SH3RF3: variants seen among roughly 807,000 people sequenced by gnomAD.
SH3RF3 encodes E3 ubiquitin-protein ligase SH3RF3.
SH3RF3 carries 29 observed loss-of-function variants against 66.3 expected under a neutral mutation model. The ratio of observed to expected loss-of-function variants is 0.44; its 90% CI spans 0.33 to 0.60. The LOEUF (loss-of-function observed/expected upper bound fraction) is 0.60, where lower values mean the gene tolerates loss of function less well. Among genes scored for constraint, SH3RF3 ranks in the 20% least tolerant of loss-of-function variants. The probability of loss-of-function intolerance (pLI) is 0.04; values close to 1 mark genes in which losing one functional copy is unlikely to be tolerated. For synonymous variants in SH3RF3, 583 were observed against 532.0 expected (o/e 1.10, Z -1.32); for missense variants, 1,194 against 1,190.9 (o/e 1.00, Z -0.04).
chr2:109,382,878 T>C (rs1675733627), intron 3 of SH3RF3, among the ~76,000 whole-genome samples: 1 of 152,206 alleles, frequency 6.6e-6, no homozygotes, highest in South Asian at 2.1e-4. Context: ...CAATCTGACC[T>C]GCAGCTTCTC....
At chr2:109,410,790 GGCT>G (rs1676568107) in intron 4 of SH3RF3, among the ~76,000 whole-genome samples, 1 of 152,210 alleles carries the variant, frequency 6.6e-6, no homozygotes, top group South Asian at 2.1e-4. Flanking sequence ...CCTGGGCATG[GGCT>G]GCTAGGCGCG....
intron 8 of SH3RF3, among the ~76,000 whole-genome samples, chr2:109,485,649 A>T (rs1428512702): frequency 6.6e-6 from 1 of 152,256 alleles, no homozygotes; most frequent in Non-Finnish European, 1.5e-5. Flanking sequence ...TCCTTTTTAA[A>T]TATCAGATTT....
chr2:109,163,430 G>A (rs1428081949), intron 1 of SH3RF3, among the ~76,000 whole-genome samples: 4 of 105,800 alleles, frequency 3.8e-5, no homozygotes, highest in African/African-American at 3.8e-5. Context: ...ACGGAGTCTC[G>A]CTCTGTCGCC....
chr2:109,178,241 T>C (rs906965221), intron 1 of SH3RF3, among the ~76,000 whole-genome samples: 3 of 152,186 alleles, frequency 2.0e-5, no homozygotes, highest in African/African-American at 7.2e-5. Context: ...TTCTATAAAT[T>C]TCAGGAACTT....
chr2:109,343,459 C>G (rs970667070), intron 1 of SH3RF3, among the ~76,000 whole-genome samples: 2 of 152,076 alleles, frequency 1.3e-5, no homozygotes, highest in Non-Finnish European at 2.9e-5. Flanking sequence ...GTCTGGCAGT[C>G]TGAGATGGGG....
intron 4 of SH3RF3, among the ~76,000 whole-genome samples, chr2:109,418,706 G>C (rs1210121864): frequency 6.6e-6 from 1 of 152,312 alleles, no homozygotes; most frequent in East Asian, 1.9e-4. Context: ...TGGTGCCAGG[G>C]CTGGGACTTG....
intron 5 of SH3RF3, among the ~76,000 whole-genome samples, chr2:109,421,304 C>T (rs376207634): frequency 4.6e-5 from 7 of 152,178 alleles, no homozygotes; most frequent in African/African-American, 1.4e-4. Flanking sequence ...TTGGAGTCCC[C>T]GTGACCAGCT....
rs562505741 is a variant in SH3RF3 at position 109,370,948 on chromosome 2, C to A, written c.850-638C>A. Among the ~76,000 whole-genome samples the A allele has an allele frequency of 1.8e-3, 271 of 152,290 alleles. 1 individual carries two copies. The highest frequency in any genetic ancestry group is 6.4e-3 in the African/African-American group (267 of 41,560). ...TTGGATGAAGCCAGAATCTTAAAGCCTTTTCTACTTAGCTGAATTTATTTT... is the reference window on the plus strand; with the variant it reads ...TTGGATGAAGCCAGAATCTTAAAGCATTTTCTACTTAGCTGAATTTATTTT... On this transcript the variant is annotated intron_variant, in intron 2 of 9. Transcript: ENST00000309415.
At chr2:109,339,900 CTCCACA>C (rs1176139112) in intron 1 of SH3RF3, among the ~76,000 whole-genome samples, 6 of 152,222 alleles carry the variant, frequency 3.9e-5, no homozygotes, top group African/African-American at 1.4e-4. Context: ...ATTATCAGGG[CTCCACA>C]GAGGCTTCCC....
chr2:109,436,813 A>G (rs1677412779), intron 6 of SH3RF3, 80 bp from the exon 7 acceptor site: 17 of 1,528,822 alleles, frequency 1.1e-5, no homozygotes, highest in Non-Finnish European at 1.5e-5. Flanking sequence ...AGCAGGTCAG[A>G]GCGAGGCTCT....
intron 1 of SH3RF3, among the ~76,000 whole-genome samples, chr2:109,328,433 C>G (rs923439129): frequency 6.6e-6 from 1 of 152,188 alleles, no homozygotes; most frequent in African/African-American, 2.4e-5. Flanking sequence ...GGTGCTGTCT[C>G]CCCTGCTCCT....
At chr2:109,463,860 C>T (rs1573273061) in intron 8 of SH3RF3, among the ~76,000 whole-genome samples, 1 of 152,188 alleles carries the variant, frequency 6.6e-6, no homozygotes, top group Non-Finnish European at 1.5e-5. Flanking sequence ...CTGATTCCCT[C>T]AGCTGGGCTT....
intron 1 of SH3RF3, among the ~76,000 whole-genome samples, chr2:109,279,543 G>A (rs1285797764): frequency 6.6e-6 from 1 of 152,172 alleles, no homozygotes; most frequent in East Asian, 1.9e-4. Context: ...TGTCCTACAG[G>A]TCAGGGCTGG....
At chr2:109,272,927 A>C (rs970860941) in intron 1 of SH3RF3, among the ~76,000 whole-genome samples, 1 of 152,162 alleles carries the variant, frequency 6.6e-6, no homozygotes, top group African/African-American at 2.4e-5. Context: ...TAGCAGCCTT[A>C]ATCATGAAAG....
chr2:109,444,759 G>A (rs184058822), intron 7 of SH3RF3, among the ~76,000 whole-genome samples: 10 of 152,158 alleles, frequency 6.6e-5, no homozygotes, highest in East Asian at 1.9e-4. Context: ...ACAAAGAGCC[G>A]CAAGCTCAGG....
At chr2:109,213,513 A>G (rs370229216) in intron 1 of SH3RF3, among the ~76,000 whole-genome samples, 2 of 152,310 alleles carry the variant, frequency 1.3e-5, no homozygotes, top group African/African-American at 4.8e-5. Flanking sequence ...GGAGAAGGGC[A>G]TATCTGCCAT....
At chr2:109,364,875 G>C (rs911394904) in intron 2 of SH3RF3, among the ~76,000 whole-genome samples, 2 of 152,158 alleles carry the variant, frequency 1.3e-5, no homozygotes, top group Non-Finnish European at 2.9e-5. Context: ...CAGATTACTT[G>C]AGGTCAGGAG....
chr2:109,130,086 G>T lies in SH3RF3; in HGVS notation c.546G>T (p.Ala182=). Residue 182 remains alanine, a synonymous_variant, in exon 1 of 10, where the codon GCG becomes GCT. Coordinates refer to ENST00000309415, the MANE Select transcript of SH3RF3 (RefSeq NM_001099289.3). ...GSTAGSLREL[A]TSRTAPAAKN... ...CCGCCGGCAGTCTGCGGGAGCTGGC[G>T]ACCAGCAGGACCGCGCCGGCGGCAA... 7.4e-7 allele frequency: 1 copy of T among 1,357,174 alleles called. No individual in the cohort carries two copies. Among genetic ancestry groups the T allele is most frequent in the Non-Finnish European group, 9.5e-7 (1 of 1,056,888 alleles). 84.1% of individuals were successfully genotyped at this position (1,357,174 alleles called of 1,614,324 possible). A position where few individuals can be genotyped will look rare whatever the true frequency, so the allele number is the denominator to read the frequency against.
At chr2:109,193,364 T>C (rs145923791) in intron 1 of SH3RF3, among the ~76,000 whole-genome samples, 174 of 152,360 alleles carry the variant, frequency 1.1e-3, no homozygotes, top group Middle Eastern at 3.4e-3. Context: ...ATATTCAACA[T>C]ATAATGTGTA....
Sources: allele counts gnomAD v4.1 joint callset (sites outside exome capture counted in the v4.1 genomes callset), GRCh38; gene constraint gnomAD v4.1.1; transcripts MANE v1.5; gene names NCBI Gene and HGNC (gene_info 2026-07-23, HGNC 2026-07-21).